The following ZNF407 variants were observed in gnomAD, a reference collection of about 807,000 sequenced individuals.
ZNF407 encodes the protein zinc finger protein 407.
A neutral mutation model predicts 131.2 loss-of-function variants in ZNF407; 17 were observed. That is an observed-to-expected ratio of 0.13 (90% CI 0.09 to 0.19). ZNF407 has a LOEUF of 0.19. Ranked by LOEUF, ZNF407 falls within the 10% of genes least tolerant of loss-of-function variation. The pLI is 1.00. For missense variants in ZNF407, 2,681 were observed against 2,830.6 expected, an observed-to-expected ratio of 0.95 and a Z score of 1.20; for synonymous variants, 1,156 against 1,062.0, an observed-to-expected ratio of 1.09 and a Z score of -1.72.
intron 8 of ZNF407, among the ~76,000 whole-genome samples, chr18:74,940,266 A>G (rs1001068429): frequency 2.6e-5 from 4 of 152,140 alleles, no homozygotes; most frequent in Non-Finnish European, 4.4e-5. Context: ...CTTGAGGCCA[A>G]AGTCACTTAG....
intron 8 of ZNF407, among the ~76,000 whole-genome samples, chr18:75,058,212 G>T (rs560919753): frequency 6.6e-6 from 1 of 152,298 alleles, no homozygotes; most frequent in East Asian, 1.9e-4. Context: ...CGCAGAAGGA[G>T]CTGCAGCATC....
At chr18:74,734,697 GTGTGTGTGTGTGTT>G (rs1968372372) in intron 3 of ZNF407, among the ~76,000 whole-genome samples, 2 of 147,048 alleles carry the variant, frequency 1.4e-5, no homozygotes, top group African/African-American at 5.4e-5. Flanking sequence ...GTGTGTGTGT[GTGTGTGTGTGTGTT>G]TTTGAGAGAA....
intron 8 of ZNF407, among the ~76,000 whole-genome samples, chr18:74,968,084 G>T (rs1972428854): frequency 6.6e-6 from 1 of 152,112 alleles, no homozygotes; most frequent in Non-Finnish European, 1.5e-5. Flanking sequence ...GGACATCAGT[G>T]ACCCAATTTG....
In ZNF407 at chr18:74,750,735, A is replaced by G. The variant is rs550933762; in HGVS notation, c.4803-30693A>G. 5.3e-5 allele frequency among the ~76,000 whole-genome samples: 8 copies of G among 152,280 alleles called. No individual in the cohort carries two copies. In the South Asian group the frequency reaches 1.0e-3, roughly 20 times the overall value. Reference sequence around the variant, plus strand: ...TCAGTTTTCTCGGGTATATAGGAGTAGAATTGCTGGATCTTGTGCTAACTA... The same window carrying G: ...TCAGTTTTCTCGGGTATATAGGAGTGGAATTGCTGGATCTTGTGCTAACTA... On this transcript the variant is annotated intron_variant, in intron 3 of 8. Coordinates refer to ENST00000299687, the MANE Select transcript of ZNF407 (RefSeq NM_017757.3).
chr18:75,051,831 A>G (rs2122266185), intron 8 of ZNF407, among the ~76,000 whole-genome samples: 1 of 152,324 alleles, frequency 6.6e-6, no homozygotes, highest in East Asian at 1.9e-4. Flanking sequence ...GCTTTTCTCC[A>G]GGGAACTCCC....
chr18:74,821,657 A>C (rs866008848), intron 4 of ZNF407, among the ~76,000 whole-genome samples: 1 of 152,050 alleles, frequency 6.6e-6, no homozygotes, highest in Non-Finnish European at 1.5e-5. Flanking sequence ...CATTTTCTTT[A>C]TCCAGTCTAT....
At chr18:74,627,542 G>A (rs73973927) in intron 1 of ZNF407, among the ~76,000 whole-genome samples, 1 of 151,990 alleles carries the variant, frequency 6.6e-6, no homozygotes, top group East Asian at 1.9e-4. Flanking sequence ...TGTTGCCCAG[G>A]CTGGTCTCCA....
intron 8 of ZNF407, among the ~76,000 whole-genome samples, chr18:74,987,417 G>A (rs574092879): frequency 1.3e-5 from 2 of 152,292 alleles, no homozygotes; most frequent in Non-Finnish European, 2.9e-5. Context: ...GCGAGGAACG[G>A]TGAGCTCACG....
At position 74,659,381 on chromosome 18, in the gene ZNF407, G is replaced by A. The variant is rs117825064; in HGVS notation, c.4802+18259G>A. Among the ~76,000 whole-genome samples, 354 of 152,064 alleles carry A rather than the reference G, an allele frequency of 2.3e-3. 1 individual carries two copies. Among genetic ancestry groups the A allele is most frequent in the Non-Finnish European group, 3.3e-3 (225 of 67,938 alleles). On this transcript the variant is annotated intron_variant, in intron 3 of 8. Transcript: ENST00000299687. ...TTTATGAAATTGAAAACAATTATGA[G>A]GTAAAAAAGATACATTTATGTTTAA...
At chr18:74,950,439 C>T (rs1972200812) in intron 8 of ZNF407, among the ~76,000 whole-genome samples, 1 of 152,138 alleles carries the variant, frequency 6.6e-6, no homozygotes, top group African/African-American at 2.4e-5. Context: ...TCAATGCCCT[C>T]TTGAACAGTA....
chr18:74,829,926 G>C (rs1481961113), intron 4 of ZNF407, among the ~76,000 whole-genome samples: 2 of 152,008 alleles, frequency 1.3e-5, no homozygotes, highest in Non-Finnish European at 2.9e-5. Context: ...TTCCCGTTGT[G>C]ACTGTATTTG....
At chr18:74,898,216 G>T (rs1421642905) in intron 7 of ZNF407, 3 of 152,134 alleles carry the variant, frequency 2.0e-5, no homozygotes, top group Non-Finnish European at 4.4e-5. Flanking sequence ...CTTCTGTGTG[G>T]TAGCATTTAT....
chr18:74,728,739 C>T (rs901263797), intron 3 of ZNF407, among the ~76,000 whole-genome samples: 3 of 152,130 alleles, frequency 2.0e-5, no homozygotes, highest in African/African-American at 7.2e-5. Context: ...GCAGTGAATG[C>T]AGTTACCAGT....
At chr18:74,665,953 G>C (rs1440697617) in intron 3 of ZNF407, among the ~76,000 whole-genome samples, 1 of 152,130 alleles carries the variant, frequency 6.6e-6, no homozygotes, top group Non-Finnish European at 1.5e-5. Context: ...TTTAAAGAGA[G>C]GGCAACGTTG....
chr18:75,060,738 C>A (rs1973622528), intron 8 of ZNF407, among the ~76,000 whole-genome samples: 1 of 152,198 alleles, frequency 6.6e-6, no homozygotes, highest in East Asian at 1.9e-4. Context: ...ATCTCCTGAC[C>A]TCGTGATCCG....
intron 8 of ZNF407, among the ~76,000 whole-genome samples, chr18:75,026,724 A>G (rs752911682): frequency 1.3e-5 from 2 of 152,192 alleles, no homozygotes; most frequent in Non-Finnish European, 2.9e-5. Context: ...ATGGTATGTG[A>G]TTGGCCACAT....
chr18:74,940,508 C>T (rs2930548), intron 8 of ZNF407, among the ~76,000 whole-genome samples: 2,243 of 152,078 alleles, frequency 0.015, 56 homozygotes, highest in African/African-American at 0.05. Flanking sequence ...GAAGCTGATG[C>T]GCTCAGGGCT....
At chr18:74,756,772 T>A (rs973649372) in intron 3 of ZNF407, among the ~76,000 whole-genome samples, 2 of 152,176 alleles carry the variant, frequency 1.3e-5, no homozygotes, top group Non-Finnish European at 2.9e-5. Flanking sequence ...ATTCAGTTGC[T>A]TTACTTGTTA....
chr18:74,881,714 A>C, intron 6 of ZNF407, among the ~76,000 whole-genome samples: 1 of 152,192 alleles, frequency 6.6e-6, no homozygotes, highest in Non-Finnish European at 1.5e-5. Context: ...AGAGTTAATT[A>C]TGGTCATTGA....
Sources: gnomAD v4.1 joint callset for allele counts (sites outside exome capture counted in the v4.1 genomes callset) on GRCh38, gnomAD v4.1.1 for gene constraint, MANE v1.5 for transcripts, NCBI Gene and HGNC (gene_info 2026-07-23, HGNC 2026-07-21) for gene names.